The following ATXN1 variants were observed in gnomAD, a reference collection of about 807,000 sequenced individuals.
ATXN1 encodes the protein ataxin 1.
Under a neutral mutation model 56.4 loss-of-function variants are expected in ATXN1, and 8 were observed. The observed-to-expected ratio is 0.14, with a 90% CI of 0.08 to 0.26. The LOEUF is 0.26. Among genes scored for constraint, ATXN1 ranks in the 10% least tolerant of loss-of-function variants. The pLI, the probability that ATXN1 is intolerant of heterozygous loss-of-function variation, is 1.00. For missense variants in ATXN1, 987 were observed against 1,106.5 expected (o/e 0.89, Z 1.53); for synonymous variants, 514 against 494.6 (o/e 1.04, Z -0.52).
chr6:16,300,073 T>C lies in ATXN1; in HGVS notation c.*6256A>G, dbSNP rs750745177. On this transcript the variant is annotated 3_prime_UTR_variant, in exon 8 of 8. Transcript: ENST00000436367. The stretch of plus-strand genomic sequence containing the variant: ...AGTATGTTATCTTGGTAAGGATTAC[T>C]GTAAACAACACTTCCAACGAAGGCC... 11 of 152,640 alleles carry C rather than the reference T, an allele frequency of 7.2e-5. No individual in the cohort carries two copies. Among genetic ancestry groups the C allele is most frequent in the East Asian group, 1.9e-4 (1 of 5,190 alleles). The allele number at this position is 152,640 out of a possible 1,614,324, so 9.5% of individuals were successfully genotyped here. A position where few individuals can be genotyped will look rare whatever the true frequency, so the allele number is the denominator to read the frequency against.
At chr6:16,396,909 C>A (rs973575461) in intron 6 of ATXN1, among the ~76,000 whole-genome samples, 20 of 152,206 alleles carry the variant, frequency 1.3e-4, no homozygotes, top group African/African-American at 4.8e-4. Flanking sequence ...GTGCTGTAGG[C>A]AATCGTAACC....
At chr6:16,413,200 A>C (rs1338769106) in intron 6 of ATXN1, among the ~76,000 whole-genome samples, 1 of 152,236 alleles carries the variant, frequency 6.6e-6, no homozygotes, top group African/African-American at 2.4e-5. Flanking sequence ...CTCTATTTAA[A>C]GACAAACTGA....
chr6:16,568,972 G>A (rs374677770), intron 4 of ATXN1, among the ~76,000 whole-genome samples: 13 of 152,150 alleles, frequency 8.5e-5, no homozygotes, highest in East Asian at 3.9e-4. Flanking sequence ...GAATTTCCCC[G>A]TAATTTAGTA....
intron 4 of ATXN1, among the ~76,000 whole-genome samples, 191 bp downstream of exon 4, chr6:16,585,589 T>C (rs768126351): frequency 2.0e-5 from 3 of 152,092 alleles, no homozygotes; most frequent in African/African-American, 4.8e-5. Flanking sequence ...TTATTTCCTT[T>C]CCCATAAAAA....
Position 16,407,762 on chromosome 6 carries a change from A to AAATC in ATXN1, c.-161+78206_-161+78209dup, listed in dbSNP as rs1471139584. On this transcript the variant is annotated intron_variant, in intron 6 of 7. Coordinates refer to ENST00000436367, the MANE Select transcript of ATXN1 (RefSeq NM_001128164.2). ...CTGCAGACACACGGTTAACCCAGGCAAATCAGGTCTCATCTGGGCATCTCT... is the reference window on the plus strand; with the variant it reads ...CTGCAGACACACGGTTAACCCAGGCAAATCAATCAGGTCTCATCTGGGCATCTCT... 2.0e-5 allele frequency among the ~76,000 whole-genome samples: 3 copies of AAATC among 152,312 alleles called. No homozygotes were observed. The East Asian group carries it at 5.8e-4, about 29-fold the overall frequency.
intron 3 of ATXN1, among the ~76,000 whole-genome samples, chr6:16,608,534 C>A (rs776518214): frequency 6.6e-6 from 1 of 152,172 alleles, no homozygotes; most frequent in East Asian, 1.9e-4. Context: ...AGTAGGAGAG[C>A]GCCTGCAAGG....
chr6:16,632,633 T>C (rs1457493140), intron 3 of ATXN1, among the ~76,000 whole-genome samples: 2 of 151,346 alleles, frequency 1.3e-5, no homozygotes, highest in African/African-American at 4.9e-5. Flanking sequence ...CAGTGCTAAG[T>C]TTATAGTGCT....
chr6:16,651,543 C>CA (rs567160469), intron 3 of ATXN1, among the ~76,000 whole-genome samples: 1,387 of 131,518 alleles, frequency 0.011, 38 homozygotes, highest in African/African-American at 0.031. Context: ...GACTCTGTCT[C>CA]AAAAAAAAAA....
intron 6 of ATXN1, among the ~76,000 whole-genome samples, chr6:16,359,201 A>G (rs1382408606): frequency 6.6e-6 from 1 of 152,176 alleles, no homozygotes; most frequent in Non-Finnish European, 1.5e-5. Context: ...AAAAGAGGGG[A>G]GTCCCCAATT....
intron 2 of ATXN1, among the ~76,000 whole-genome samples, chr6:16,665,227 A>G (rs1044611166): frequency 2.0e-5 from 3 of 152,236 alleles, no homozygotes; most frequent in African/African-American, 7.2e-5. Context: ...TGGAATCTGA[A>G]GCATAGAAAT....
rs567542887 is a variant in ATXN1, at chr6:16,724,364, C to T, written c.-615+28869G>A. Among the ~76,000 whole-genome samples, 3 of 152,092 alleles carry T rather than the reference C, an allele frequency of 2.0e-5. No individual in the cohort carries two copies. The South Asian group carries it at 6.2e-4, about 32-fold the overall frequency. ...CTAGGGCTTTCAGTTCTTTGTGCAT[C>T]AAAGTTTTCTTCTAAGCATGTATGG... On this transcript the variant is annotated intron_variant, in intron 2 of 7. Transcript: ENST00000436367.
chr6:16,539,462 G>A (rs1404629753), intron 4 of ATXN1, among the ~76,000 whole-genome samples: 3 of 152,162 alleles, frequency 2.0e-5, no homozygotes, highest in Admixed American at 2.0e-4. Flanking sequence ...ATGGAGAATT[G>A]GAATCTAATG....
At chr6:16,587,875 A>G (rs534785219) in intron 3 of ATXN1, among the ~76,000 whole-genome samples, 115 of 151,960 alleles carry the variant, frequency 7.6e-4, no homozygotes, top group African/African-American at 1.8e-3. Flanking sequence ...AGGTTGCAGT[A>G]AGCTGAGATC....
chr6:16,493,256 T>C (rs1300509343), intron 5 of ATXN1, among the ~76,000 whole-genome samples: 2 of 152,168 alleles, frequency 1.3e-5, no homozygotes, highest in East Asian at 1.9e-4. Context: ...CAGCATGCTT[T>C]TCCAACTTCA....
At chr6:16,392,501 CTTT>C (rs71714432) in intron 6 of ATXN1, among the ~76,000 whole-genome samples, 1 of 146,982 alleles carries the variant, frequency 6.8e-6, no homozygotes, top group South Asian at 2.1e-4. Flanking sequence ...CCAACCCATT[CTTT>C]TTTTTTTTTG....
At chr6:16,703,699 T>C (rs1759341408) in intron 2 of ATXN1, among the ~76,000 whole-genome samples, 1 of 152,194 alleles carries the variant, frequency 6.6e-6, no homozygotes, top group Non-Finnish European at 1.5e-5. Flanking sequence ...TGAATGTACT[T>C]AATGCCACTG....
chr6:16,351,410 T>G (rs1396762491), intron 6 of ATXN1, among the ~76,000 whole-genome samples: 2 of 151,710 alleles, frequency 1.3e-5, no homozygotes, highest in African/African-American at 4.8e-5. Context: ...TCAGGGTTTT[T>G]TTTTTTTTTT....
At chr6:16,623,682 C>T (rs1339926530) in intron 3 of ATXN1, among the ~76,000 whole-genome samples, 3 of 152,218 alleles carry the variant, frequency 2.0e-5, no homozygotes. Flanking sequence ...GATATTTCCC[C>T]CAATCTTCTG....
intron 2 of ATXN1, among the ~76,000 whole-genome samples, chr6:16,724,975 G>A (rs1425688675): frequency 6.6e-6 from 1 of 152,110 alleles, no homozygotes; most frequent in Non-Finnish European, 1.5e-5. Flanking sequence ...AGAAGTCCAG[G>A]CTAACATGAG....
Sources: gnomAD v4.1 joint callset for allele counts (sites outside exome capture counted in the v4.1 genomes callset) on GRCh38, gnomAD v4.1.1 for gene constraint, MANE v1.5 for transcripts, NCBI Gene and HGNC (gene_info 2026-07-23, HGNC 2026-07-21) for gene names.